TAFA5: variants seen among roughly 807,000 people sequenced by gnomAD.
TAFA5 encodes chemokine-like protein TAFA-5.
In TAFA5, 6 loss-of-function variants were observed where a neutral mutation model predicts 15.3. The ratio of observed to expected loss-of-function variants is 0.39; its 90% CI spans 0.21 to 0.77. The LOEUF is 0.77. Ranked by LOEUF, TAFA5 falls within the 30% of genes least tolerant of loss-of-function variation. The pLI, the probability that TAFA5 is intolerant of heterozygous loss-of-function variation, is 0.41. For missense variants in TAFA5, 161 were observed against 193.1 expected, an observed-to-expected ratio of 0.83 and a Z score of 0.98; for synonymous variants, 103 against 80.7, an observed-to-expected ratio of 1.28 and a Z score of -1.48.
At chr22:48,523,040 C>T (rs1032913098) in intron 1 of TAFA5, among the ~76,000 whole-genome samples, 2 of 152,210 alleles carry the variant, frequency 1.3e-5, no homozygotes, top group Non-Finnish European at 2.9e-5. Flanking sequence ...GCAGGAGACC[C>T]AGAGCCCATG....
At chr22:48,568,597 T>C (rs1923481749) in intron 1 of TAFA5, among the ~76,000 whole-genome samples, 1 of 152,196 alleles carries the variant, frequency 6.6e-6, no homozygotes, top group Non-Finnish European at 1.5e-5. Context: ...AAAACATTGA[T>C]TGAGACCAAC....
intron 1 of TAFA5, among the ~76,000 whole-genome samples, chr22:48,612,869 G>A (rs200309285): frequency 2.0e-5 from 3 of 152,264 alleles, no homozygotes; most frequent in Admixed American, 6.5e-5. Flanking sequence ...GGAGAGCCAC[G>A]GCCGACTGGT....
chr22:48,739,987 A>C (rs1930135185), intron 3 of TAFA5, among the ~76,000 whole-genome samples: 1 of 151,964 alleles, frequency 6.6e-6, no homozygotes, highest in Non-Finnish European at 1.5e-5. Context: ...CGGCTTTCTA[A>C]GTGGGAGTCT....
At chr22:48,671,447 G>T (rs965500705) in intron 2 of TAFA5, among the ~76,000 whole-genome samples, 1 of 152,182 alleles carries the variant, frequency 6.6e-6, no homozygotes, top group Non-Finnish European at 1.5e-5. Flanking sequence ...GCAGCCTGGG[G>T]TACGTTCCAC....
At chr22:48,492,311 A>T (rs1405057244) in intron 1 of TAFA5, among the ~76,000 whole-genome samples, 2 of 152,188 alleles carry the variant, frequency 1.3e-5, no homozygotes, top group African/African-American at 2.4e-5. Flanking sequence ...TATGAAGCAG[A>T]TATATTTGTA....
At chr22:48,635,907 C>T (rs1926427732) in intron 1 of TAFA5, among the ~76,000 whole-genome samples, 2 of 152,232 alleles carry the variant, frequency 1.3e-5, no homozygotes, top group Non-Finnish European at 2.9e-5. Context: ...CTGCTTCTGT[C>T]GGATTTCACA....
At chr22:48,520,137 G>A (rs1288406892) in intron 1 of TAFA5, among the ~76,000 whole-genome samples, 2 of 152,236 alleles carry the variant, frequency 1.3e-5, no homozygotes, top group East Asian at 1.9e-4. Context: ...GGCCAGCCAC[G>A]CTGGAAGCTG....
intron 2 of TAFA5, among the ~76,000 whole-genome samples, chr22:48,695,999 C>T (rs1601679182): frequency 6.6e-6 from 1 of 152,304 alleles, no homozygotes; most frequent in East Asian, 1.9e-4. Flanking sequence ...TTTGGGACTT[C>T]GATGAGCTGG....
intron 2 of TAFA5, among the ~76,000 whole-genome samples, chr22:48,673,076 T>C (rs1927852763): frequency 6.6e-6 from 1 of 152,162 alleles, no homozygotes; most frequent in South Asian, 2.1e-4. Context: ...GCTTCTTCTT[T>C]TACATACTTG....
chr22:48,562,331 G>A (rs112086180), intron 1 of TAFA5, among the ~76,000 whole-genome samples: 10 of 152,252 alleles, frequency 6.6e-5, no homozygotes, highest in African/African-American at 2.2e-4. Flanking sequence ...GTAGAGACGG[G>A]GTTTCACCGC....
chr22:48,695,652 T>A (rs1024936903), intron 2 of TAFA5, among the ~76,000 whole-genome samples: 1 of 152,170 alleles, frequency 6.6e-6, no homozygotes, highest in African/African-American at 2.4e-5. Context: ...TATGGACAAT[T>A]GGCTTCTCTT....
chr22:48,632,431 A>G (rs918947665), intron 1 of TAFA5, among the ~76,000 whole-genome samples: 4 of 150,526 alleles, frequency 2.7e-5, no homozygotes, highest in African/African-American at 1.0e-4. Flanking sequence ...TTTGGTGCCA[A>G]GTTTTGGGGT....
chr22:48,713,616 G>T (rs1929320014), intron 3 of TAFA5, among the ~76,000 whole-genome samples: 1 of 152,204 alleles, frequency 6.6e-6, no homozygotes, highest in Non-Finnish European at 1.5e-5. Flanking sequence ...CGTGGTTCGA[G>T]AGCTCTCCCG....
At chr22:48,522,030 G>A (rs59279945) in intron 1 of TAFA5, among the ~76,000 whole-genome samples, 1 of 152,358 alleles carries the variant, frequency 6.6e-6, no homozygotes, top group African/African-American at 2.4e-5. Flanking sequence ...TTCCCTTGCG[G>A]CCTTATTCCT....
chr22:48,624,475 G>T (rs1365787085), intron 1 of TAFA5, among the ~76,000 whole-genome samples: 10 of 152,218 alleles, frequency 6.6e-5, no homozygotes, highest in Non-Finnish European at 1.0e-4. Flanking sequence ...CAGCGTCGGA[G>T]ACATGCGTTT....
intron 1 of TAFA5, among the ~76,000 whole-genome samples, chr22:48,512,417 G>A (rs1921248189): frequency 1.3e-5 from 2 of 152,220 alleles, no homozygotes; most frequent in South Asian, 2.1e-4. Context: ...GACCAGCCTG[G>A]CCAACATGGT....
chr22:48,700,933 C>G (rs1928886223), intron 2 of TAFA5, among the ~76,000 whole-genome samples: 1 of 152,196 alleles, frequency 6.6e-6, no homozygotes, highest in South Asian at 2.1e-4. Flanking sequence ...ATCTGCCCAG[C>G]CCTACTTCAG....
chr22:48,494,779 C>T (rs1330402765), intron 1 of TAFA5, among the ~76,000 whole-genome samples: 2 of 152,236 alleles, frequency 1.3e-5, no homozygotes, highest in Admixed American at 1.3e-4. Context: ...CACAAGCTGC[C>T]TCGGTGCTGG....
At chr22:48,712,552 C>G (rs1428794746) in intron 3 of TAFA5, among the ~76,000 whole-genome samples, 1 of 152,238 alleles carries the variant, frequency 6.6e-6, no homozygotes, top group East Asian at 1.9e-4. Flanking sequence ...AAGCCTTTCT[C>G]CTAGGTTGCT....
Sources: allele counts gnomAD v4.1 joint callset (sites outside exome capture counted in the v4.1 genomes callset), GRCh38; gene constraint gnomAD v4.1.1; transcripts MANE v1.5; gene names NCBI Gene and HGNC (gene_info 2026-07-23, HGNC 2026-07-21).